Variants in RBMS3 observed in about 807,000 individuals in gnomAD.
RBMS3 encodes the protein RNA binding motif single stranded interacting protein 3, also known as RNA-binding motif, single-stranded-interacting protein 3.
Under a neutral mutation model 66.8 loss-of-function variants are expected in RBMS3, and 27 were observed. That is an observed-to-expected ratio of 0.40 (90% CI 0.30 to 0.56). The LOEUF is 0.56. RBMS3 is among the 20% of genes least tolerant of loss of function. The probability of loss-of-function intolerance (pLI) is 0.40; values close to 1 mark genes in which losing one functional copy is unlikely to be tolerated. For synonymous variants in RBMS3, 188 were observed against 183.0 expected (o/e 1.03, Z -0.22); for missense variants, 513 against 549.5 (o/e 0.93, Z 0.66).
chr3:29,335,893 T>A (rs1475016759), intron 1 of RBMS3, among the ~76,000 whole-genome samples: 2 of 152,312 alleles, frequency 1.3e-5, no homozygotes, highest in African/African-American at 4.8e-5. Flanking sequence ...TCATTTTGTT[T>A]TTTATTCTGT....
intron 14 of RBMS3, among the ~76,000 whole-genome samples, chr3:30,001,676 T>A (rs1699615097): frequency 6.6e-6 from 1 of 152,024 alleles, no homozygotes; most frequent in African/African-American, 2.4e-5. Flanking sequence ...TATAATATAT[T>A]GTAATAATAC....
intron 6 of RBMS3, among the ~76,000 whole-genome samples, chr3:29,816,944 A>T (rs553977292): frequency 4.7e-4 from 71 of 152,162 alleles, no homozygotes; most frequent in African/African-American, 1.6e-3. Context: ...ACAAAAAATT[A>T]GCCGGGCATG....
At chr3:29,453,584 G>A (rs2042081737) in intron 2 of RBMS3, among the ~76,000 whole-genome samples, 1 of 152,196 alleles carries the variant, frequency 6.6e-6, no homozygotes, top group Non-Finnish European at 1.5e-5. Context: ...GCCTCATGGT[G>A]GGCTTTGGCC....
intron 1 of RBMS3, among the ~76,000 whole-genome samples, chr3:29,420,073 G>A (rs571582671): frequency 1.3e-5 from 2 of 152,164 alleles, no homozygotes; most frequent in African/African-American, 4.8e-5. Flanking sequence ...CTGAGCATTT[G>A]TAAAGCAAGA....
intron 2 of RBMS3, among the ~76,000 whole-genome samples, chr3:29,439,411 A>C (rs917461494): frequency 6.6e-6 from 1 of 152,150 alleles, no homozygotes; most frequent in African/African-American, 2.4e-5. Context: ...TTCAGAGAAG[A>C]GGGTGTGAGA....
At chr3:29,722,811 C>T (rs1228428047) in intron 4 of RBMS3, among the ~76,000 whole-genome samples, 2 of 151,958 alleles carry the variant, frequency 1.3e-5, no homozygotes, top group Non-Finnish European at 2.9e-5. Flanking sequence ...TGTATCATAT[C>T]GAGAGGCACA....
intron 12 of RBMS3, among the ~76,000 whole-genome samples, chr3:29,955,549 A>G (rs1695978952): frequency 6.6e-6 from 1 of 152,058 alleles, no homozygotes; most frequent in African/African-American, 2.4e-5. Flanking sequence ...AAGCTGTTTT[A>G]CCTGGATGAC....
At chr3:29,955,673 A>G (rs372704551) in intron 12 of RBMS3, among the ~76,000 whole-genome samples, 68 of 152,034 alleles carry the variant, frequency 4.5e-4, no homozygotes, top group African/African-American at 1.6e-3. Flanking sequence ...TTGCTTTGCT[A>G]TATTAAGGCT....
chr3:29,598,924 A>C (rs1455073491), intron 4 of RBMS3, among the ~76,000 whole-genome samples: 1 of 152,096 alleles, frequency 6.6e-6, no homozygotes. Flanking sequence ...CATTAAGCTA[A>C]GGAGCAAAGA....
chr3:29,890,576 A>T (rs1175989174), intron 8 of RBMS3, among the ~76,000 whole-genome samples: 3 of 151,552 alleles, frequency 2.0e-5, no homozygotes, highest in African/African-American at 7.3e-5. Context: ...AAGCTTAACA[A>T]TTTTTTTCAA....
intron 1 of RBMS3, among the ~76,000 whole-genome samples, chr3:29,388,486 C>T (rs1426051899): frequency 3.3e-5 from 5 of 152,128 alleles, no homozygotes; most frequent in East Asian, 1.9e-4. Flanking sequence ...AGGAAGGCCA[C>T]GTTAAAGAAA....
chr3:29,830,074 C>A (rs923398452), intron 6 of RBMS3, among the ~76,000 whole-genome samples: 1 of 151,680 alleles, frequency 6.6e-6, no homozygotes, highest in African/African-American at 2.4e-5. Flanking sequence ...CATTCTGTTT[C>A]TTTGGGCTAC....
In RBMS3 at chr3:29,943,672, G is replaced by A. The variant is rs116368810; in HGVS notation, c.1051-535G>A. ...TGGCCTTGAGGTGAAAGCACCTTCC[G>A]CTCTGCCTCACTGACAACCACTGGG... is the stretch of plus-strand genomic sequence containing the variant. On this transcript the variant is annotated intron_variant, in intron 11 of 14. Transcript: ENST00000383767. Among the ~76,000 whole-genome samples, 408 of 151,886 alleles carry A rather than the reference G, an allele frequency of 2.7e-3. 5 individuals are homozygous for A. Among genetic ancestry groups the A allele is most frequent in the African/African-American group, 8.1e-3 (337 of 41,496 alleles).
At position 29,936,078 on chromosome 3, in the gene RBMS3, G is replaced by A; in HGVS notation, c.940-8G>A. 1 of 1,609,600 alleles carries A rather than the reference G, an allele frequency of 6.2e-7. No individual in the cohort carries two copies. Reference sequence around the variant, plus strand: ...ATATTTTCAAATGGACATTGTATATGCTTGTAGGGTGCTGTGATTACACCA... The same window carrying A: ...ATATTTTCAAATGGACATTGTATATACTTGTAGGGTGCTGTGATTACACCA... On this transcript the variant is annotated splice_region_variant and splice_polypyrimidine_tract_variant and intron_variant, in intron 10 of 14. Coordinates refer to ENST00000383767, the MANE Select transcript of RBMS3 (RefSeq NM_001003793.3).
chr3:29,301,142 A>T (rs1575497882), intron 1 of RBMS3, among the ~76,000 whole-genome samples: 3 of 152,012 alleles, frequency 2.0e-5, no homozygotes. Flanking sequence ...CTGAAGCATG[A>T]TCTAAATCCA....
chr3:29,437,209 C>A (rs534969938), intron 2 of RBMS3, among the ~76,000 whole-genome samples: 2 of 152,192 alleles, frequency 1.3e-5, no homozygotes, highest in African/African-American at 2.4e-5. Flanking sequence ...ACACAGGAAT[C>A]AGCACATCCT....
chr3:29,844,742 T>C (rs575454630), intron 6 of RBMS3, among the ~76,000 whole-genome samples: 1 of 152,212 alleles, frequency 6.6e-6, no homozygotes, highest in Admixed American at 6.5e-5. Flanking sequence ...ATTTATATAA[T>C]CCATGAAATG....
At position 30,009,000 on chromosome 3, in the gene RBMS3, G is replaced by A. The variant is rs1699882357; in HGVS notation, c.*5138G>A. 1 of 152,070 alleles carries A rather than the reference G, an allele frequency of 6.6e-6. No individual in the cohort carries two copies. Among genetic ancestry groups the A allele is most frequent in the African/African-American group, 2.4e-5 (1 of 41,436 alleles). The allele number at this position is 152,070 out of a possible 1,614,324, so 9.4% of individuals were successfully genotyped here. A position where few individuals can be genotyped will look rare whatever the true frequency, so the allele number is the denominator to read the frequency against. On this transcript the variant is annotated 3_prime_UTR_variant, in exon 15 of 15. Transcript: ENST00000383767. ...ATACTCTCTATAGCAAAAAAGGGAT[G>A]AATGGCTTTCAATATTCATTTCTGT...
intron 3 of RBMS3, among the ~76,000 whole-genome samples, chr3:29,490,995 C>T (rs543841406): frequency 1.6e-4 from 25 of 152,286 alleles, no homozygotes; most frequent in African/African-American, 5.8e-4. Context: ...TGAAGGGATA[C>T]TTCCTTATGC....
Sources: gnomAD v4.1 joint callset for allele counts (sites outside exome capture counted in the v4.1 genomes callset) on GRCh38, gnomAD v4.1.1 for gene constraint, MANE v1.5 for transcripts, NCBI Gene and HGNC (gene_info 2026-07-23, HGNC 2026-07-21) for gene names.